Variants in CWC22 observed in about 807,000 individuals in gnomAD.
CWC22 encodes pre-mRNA-splicing factor CWC22 homolog.
CWC22 carries 53 observed loss-of-function variants against 117.2 expected under a neutral mutation model. The ratio of observed to expected loss-of-function variants is 0.45; its 90% CI spans 0.36 to 0.57. The LOEUF (loss-of-function observed/expected upper bound fraction) is 0.57. CWC22 is among the 20% of genes least tolerant of loss of function. The probability of loss-of-function intolerance (pLI) is 0.00; values close to 1 mark genes in which losing one functional copy is unlikely to be tolerated. For synonymous variants in CWC22, 360 were observed against 355.6 expected (o/e 1.01, Z -0.14); for missense variants, 980 against 1,068.8 (o/e 0.92, Z 1.16).
intron 13 of CWC22, among the ~76,000 whole-genome samples, chr2:179,964,280 C>T (rs774613302): frequency 6.6e-6 from 1 of 152,152 alleles, no homozygotes; most frequent in Non-Finnish European, 1.5e-5. Flanking sequence ...TTATTAGTGG[C>T]ACTTAACTAT....
At position 179,988,603 on chromosome 2, in the gene CWC22, A is replaced by G. The variant is rs1229449792; in HGVS notation, c.69T>C (p.Tyr23=). Reference sequence around the variant, plus strand: ...TGTCTTCTGGAGAGGAGTTCCTCTGATATGAATTAAGGTTTTCCCTTCTGT... The same window carrying G: ...TGTCTTCTGGAGAGGAGTTCCTCTGGTATGAATTAAGGTTTTCCCTTCTGT... ...GHDRRENLNS[Y]QRNSSPEDRY... The change falls in exon 3 of 20, where the codon TAT becomes TAC. Residue 23 remains tyrosine (Y), a synonymous_variant. Coordinates refer to ENST00000410053, the MANE Select transcript of CWC22 (RefSeq NM_020943.3). 1 of 1,531,882 alleles carries G rather than the reference A, an allele frequency of 6.5e-7. No homozygotes were observed. Among genetic ancestry groups the G allele is most frequent in the Non-Finnish European group, 8.8e-7 (1 of 1,132,156 alleles). The allele number at this position is 1,531,882 out of a possible 1,614,324, so 94.9% of individuals were successfully genotyped here. A position where few individuals can be genotyped will look rare whatever the true frequency, so the allele number is the denominator to read the frequency against.
At chr2:179,969,019 C>A (rs973935609) in intron 11 of CWC22, among the ~76,000 whole-genome samples, 11 of 152,250 alleles carry the variant, frequency 7.2e-5, no homozygotes, top group Admixed American at 7.2e-4. Flanking sequence ...AAAAGAAGCT[C>A]TTTGGAGTTG....
intron 11 of CWC22, among the ~76,000 whole-genome samples, chr2:179,969,678 T>C (rs1438908716): frequency 6.6e-6 from 1 of 152,212 alleles, no homozygotes; most frequent in Non-Finnish European, 1.5e-5. Context: ...GAGCTTTTAA[T>C]ACAAACTTTT....
chr2:179,990,135 A>AT, intron 2 of CWC22, among the ~76,000 whole-genome samples: 1 of 152,320 alleles, frequency 6.6e-6, no homozygotes, highest in East Asian at 1.9e-4. Context: ...ATCAAAATTG[A>AT]TAACTTAAAG....
chr2:179,966,248 T>A (rs766380545), intron 11 of CWC22, among the ~76,000 whole-genome samples: 53 of 152,134 alleles, frequency 3.5e-4, no homozygotes, highest in Non-Finnish European at 6.2e-4. Flanking sequence ...AAAGAAAAAG[T>A]AGACGATGGT....
intron 5 of CWC22, among the ~76,000 whole-genome samples, chr2:179,978,976 A>G (rs1687219632): frequency 1.3e-5 from 2 of 152,154 alleles, no homozygotes; most frequent in Admixed American, 6.5e-5. Context: ...ATTTTGGGGA[A>G]ATTACTTGGC....
intron 14 of CWC22, among the ~76,000 whole-genome samples, chr2:179,958,302 G>A (rs2105514395): frequency 7.6e-6 from 1 of 130,820 alleles, no homozygotes; most frequent in African/African-American, 2.9e-5. Context: ...CTGCACTCTA[G>A]CCTGGGCGAC....
chr2:179,945,393 C>T lies in CWC22; in HGVS notation c.2463G>A (p.Lys821=). Residue 821 remains lysine, a synonymous_variant, in exon 20 of 20, where the codon AAG becomes AAA. Coordinates refer to ENST00000410053, the MANE Select transcript of CWC22 (RefSeq NM_020943.3). The part of the protein sequence containing the change: ...DLENKHGDPK[K]KRGERRNSFS... ...AAGAATTTCTTCTCTCTCCTCTCTT[C>T]TTTTTGGGATCACCATGCTTATTTT... 1.2e-6 allele frequency: 2 copies of T among 1,613,162 alleles called. No homozygotes were observed. Among genetic ancestry groups the T allele is most frequent in the East Asian group, 4.5e-5 (2 of 44,860 alleles).
At position 179,992,562 on chromosome 2, in the gene CWC22, C is replaced by T. The variant is rs533459802; in HGVS notation, c.27+753G>A. ...CCTACCCTTTTCTACTTCTTTTCTC[C>T]ATAGGACAATTCTATTACTTAACAT... On this transcript the variant is annotated intron_variant, in intron 2 of 19. Transcript: ENST00000410053. Among the ~76,000 whole-genome samples, 20 of 152,266 alleles carry T rather than the reference C, an allele frequency of 1.3e-4. No individual in the cohort carries two copies. The South Asian group carries it at 4.1e-3, about 32-fold the overall frequency.
intron 14 of CWC22, among the ~76,000 whole-genome samples, chr2:179,957,216 A>G (rs1221141789): frequency 1.3e-5 from 2 of 152,310 alleles, no homozygotes; most frequent in African/African-American, 4.8e-5. Context: ...CAATGATGGC[A>G]TATCAAGCGT....
chr2:179,949,194 A>G (rs1575636336), intron 19 of CWC22, among the ~76,000 whole-genome samples: 2 of 152,138 alleles, frequency 1.3e-5, no homozygotes, highest in South Asian at 4.1e-4. Flanking sequence ...TGATTCAGGG[A>G]TGCTACTGAG....
chr2:180,004,700 C>T (rs1311839966), intron 1 of CWC22, among the ~76,000 whole-genome samples: 2 of 151,574 alleles, frequency 1.3e-5, no homozygotes, highest in Non-Finnish European at 2.9e-5. Flanking sequence ...CGCCCCCCTC[C>T]CCCCCAGGAG....
chr2:179,946,180 A>G lies in CWC22; in HGVS notation c.2141-465T>C, dbSNP rs376251011. Among the ~76,000 whole-genome samples, 11 of 152,202 alleles carry G rather than the reference A, an allele frequency of 7.2e-5. 1 individual carries two copies. Among genetic ancestry groups the G allele is most frequent in the African/African-American group, 2.6e-4 (11 of 41,540 alleles). The stretch of plus-strand genomic sequence containing the variant: ...TATTTCAGGCCAGGTACAGTGGCTC[A>G]TGCCTATAATCCCAGCACTTTGGGA... On this transcript the variant is annotated intron_variant, in intron 19 of 19. Coordinates refer to ENST00000410053, the MANE Select transcript of CWC22 (RefSeq NM_020943.3).
chr2:179,985,091 AG>A (rs979851555), intron 4 of CWC22, among the ~76,000 whole-genome samples: 3 of 152,016 alleles, frequency 2.0e-5, no homozygotes, highest in Non-Finnish European at 2.9e-5. Context: ...GCTCAGAAGA[AG>A]TTTGTTAAGA....
chr2:179,992,630 T>G (rs1324379031), intron 2 of CWC22, among the ~76,000 whole-genome samples: 1 of 152,216 alleles, frequency 6.6e-6, no homozygotes, highest in East Asian at 1.9e-4. Context: ...ATTTATTTTA[T>G]CTCCTCCCCA....
At chr2:179,967,132 C>A (rs1391098649) in intron 11 of CWC22, among the ~76,000 whole-genome samples, 1 of 152,174 alleles carries the variant, frequency 6.6e-6, no homozygotes, top group Non-Finnish European at 1.5e-5. Flanking sequence ...CTGCTGTTTT[C>A]CCAAACGCTG....
At position 179,950,746 on chromosome 2, in the gene CWC22, T is replaced by C; in HGVS notation, c.1920-14A>G. On this transcript the variant is annotated splice_polypyrimidine_tract_variant and intron_variant, in intron 18 of 19. Coordinates refer to ENST00000410053, the MANE Select transcript of CWC22 (RefSeq NM_020943.3). ...CGCAGTTCATCCCTAATTTAAAATATAATCTGTTAGATTCTATTTCAAAGA... is the reference window on the plus strand; with the variant it reads ...CGCAGTTCATCCCTAATTTAAAATACAATCTGTTAGATTCTATTTCAAAGA... 6.2e-7 allele frequency: 1 copy of C among 1,603,708 alleles called. No homozygotes were observed. Among genetic ancestry groups the C allele is most frequent in the Non-Finnish European group, 8.5e-7 (1 of 1,170,828 alleles).
chr2:179,960,843 T>C (rs1194499163), intron 13 of CWC22, among the ~76,000 whole-genome samples: 1 of 152,012 alleles, frequency 6.6e-6, no homozygotes, highest in Non-Finnish European at 1.5e-5. Context: ...AAAGTCCTAA[T>C]TGAGACAGCA....
At chr2:179,961,005 C>T (rs994138187) in intron 13 of CWC22, among the ~76,000 whole-genome samples, 1 of 151,830 alleles carries the variant, frequency 6.6e-6, no homozygotes, top group African/African-American at 2.4e-5. Context: ...AAAGGCGTAC[C>T]AGGAGTTCAG....
Sources: allele counts gnomAD v4.1 joint callset (sites outside exome capture counted in the v4.1 genomes callset), GRCh38; gene constraint gnomAD v4.1.1; transcripts MANE v1.5; gene names NCBI Gene and HGNC (gene_info 2026-07-23, HGNC 2026-07-21).